The following MAGI2 variants were observed in gnomAD, a reference collection of about 807,000 sequenced individuals.
The protein encoded by MAGI2 is membrane associated guanylate kinase, WW and PDZ domain containing 2.
In MAGI2, 35 loss-of-function variants were observed where a neutral mutation model predicts 133.3. The ratio of observed to expected loss-of-function variants is 0.26; its 90% CI spans 0.20 to 0.35. The LOEUF is 0.35. Ranked by LOEUF, MAGI2 falls within the 10% of genes least tolerant of loss-of-function variation. The pLI, the probability that MAGI2 is intolerant of heterozygous loss-of-function variation, is 1.00. For missense variants in MAGI2, 1,636 were observed against 1,863.4 expected (o/e 0.88, Z 2.25); for synonymous variants, 729 against 710.6 (o/e 1.03, Z -0.41).
chr7:79,283,264 C>T (rs551975106), intron 1 of MAGI2, among the ~76,000 whole-genome samples: 7 of 151,974 alleles, frequency 4.6e-5, no homozygotes, highest in Non-Finnish European at 1.0e-4. Context: ...TCACAGAGGA[C>T]ATATAAATGC....
chr7:78,645,632 A>G (rs1309916334), intron 2 of MAGI2, among the ~76,000 whole-genome samples: 1 of 121,904 alleles, frequency 8.2e-6, no homozygotes, highest in Non-Finnish European at 1.8e-5. Context: ...TTTTGCAGAT[A>G]TAAGTGTGGT....
intron 1 of MAGI2, among the ~76,000 whole-genome samples, chr7:79,073,509 C>T (rs1193216007): frequency 1.3e-5 from 2 of 152,046 alleles, no homozygotes; most frequent in African/African-American, 4.8e-5. Flanking sequence ...AATTCTATTT[C>T]CTAAACATCT....
At chr7:79,232,753 T>G (rs1831490591) in intron 1 of MAGI2, among the ~76,000 whole-genome samples, 1 of 122,780 alleles carries the variant, frequency 8.1e-6, no homozygotes, top group South Asian at 3.1e-4. Flanking sequence ...AGCTCCTGGA[T>G]TCATTAATTT....
At chr7:78,713,265 T>G (rs1208003901) in intron 2 of MAGI2, among the ~76,000 whole-genome samples, 1 of 152,162 alleles carries the variant, frequency 6.6e-6, no homozygotes. Flanking sequence ...AAGTGCTAAT[T>G]AAATAATTCA....
chr7:79,314,141 T>C (rs546955968), intron 1 of MAGI2, among the ~76,000 whole-genome samples: 1 of 152,290 alleles, frequency 6.6e-6, no homozygotes, highest in South Asian at 2.1e-4. Flanking sequence ...GCCCAGCTAA[T>C]TTTTATATTT....
chr7:79,218,389 C>T (rs193075992), intron 1 of MAGI2, among the ~76,000 whole-genome samples: 179 of 152,098 alleles, frequency 1.2e-3, no homozygotes, highest in Non-Finnish European at 1.5e-3. Flanking sequence ...AGACAGACGC[C>T]GTCAGGTGGG....
At chr7:78,567,098 C>T (rs1385356435) in intron 3 of MAGI2, among the ~76,000 whole-genome samples, 1 of 152,044 alleles carries the variant, frequency 6.6e-6, no homozygotes, top group Non-Finnish European at 1.5e-5. Context: ...AAACTTTGTC[C>T]CCGTTATTGT....
chr7:78,135,271 C>T, intron 16 of MAGI2, 65 bp from the exon 17 acceptor site: 2 of 1,336,090 alleles, frequency 1.5e-6, no homozygotes, highest in Non-Finnish European at 2.1e-6. Flanking sequence ...TCAGTCCCAG[C>T]CCCAAAGGAA....
At chr7:78,232,995 T>C (rs1270538562) in intron 10 of MAGI2, among the ~76,000 whole-genome samples, 2 of 152,124 alleles carry the variant, frequency 1.3e-5, no homozygotes, top group African/African-American at 4.8e-5. Flanking sequence ...ATTTATGGAA[T>C]GAAGAATGAG....
rs903096532 is a variant in MAGI2, at chr7:78,814,788, T to A, written c.419-187549A>T. On this transcript the variant is annotated intron_variant, in intron 2 of 21. Coordinates refer to ENST00000354212, the MANE Select transcript of MAGI2 (RefSeq NM_012301.4). ...CCCAGGATGAAGTGCAGTGCTGCAA[T>A]CATGGCTCACTGCAGCCTCAACCTC... is the stretch of plus-strand genomic sequence containing the variant. Among the ~76,000 whole-genome samples, 9 of 152,314 alleles carry A rather than the reference T, an allele frequency of 5.9e-5. No homozygotes were observed. The East Asian group carries it at 1.5e-3, about 26-fold the overall frequency.
intron 2 of MAGI2, among the ~76,000 whole-genome samples, chr7:78,952,966 T>C (rs1424109101): frequency 1.3e-5 from 2 of 152,192 alleles, no homozygotes; most frequent in Non-Finnish European, 2.9e-5. Flanking sequence ...TGTTTGGACC[T>C]ACTAAAGTGA....
At chr7:78,694,748 C>G (rs1207796871) in intron 2 of MAGI2, among the ~76,000 whole-genome samples, 1 of 152,202 alleles carries the variant, frequency 6.6e-6, no homozygotes, top group African/African-American at 2.4e-5. Flanking sequence ...TTATAAAGGC[C>G]AATACCGCTT....
At chr7:78,952,033 A>G (rs959702380) in intron 2 of MAGI2, among the ~76,000 whole-genome samples, 1 of 152,074 alleles carries the variant, frequency 6.6e-6, no homozygotes, top group East Asian at 1.9e-4. Context: ...TTCCTTCCTC[A>G]CTGAATAAAA....
intron 10 of MAGI2, among the ~76,000 whole-genome samples, chr7:78,236,417 C>T (rs1299122820): frequency 6.6e-6 from 1 of 152,104 alleles, no homozygotes; most frequent in Non-Finnish European, 1.5e-5. Flanking sequence ...TGTGACTGTT[C>T]TTCTCTCCCT....
chr7:78,158,625 G>A (rs1050406739), intron 16 of MAGI2, among the ~76,000 whole-genome samples: 41 of 152,096 alleles, frequency 2.7e-4, no homozygotes, highest in East Asian at 1.9e-4. Context: ...TCTTTAAGTC[G>A]TCCTTGTTCA....
At chr7:78,669,828 T>C (rs1268706257) in intron 2 of MAGI2, among the ~76,000 whole-genome samples, 1 of 152,146 alleles carries the variant, frequency 6.6e-6, no homozygotes, top group Non-Finnish European at 1.5e-5. Context: ...AACCACATGA[T>C]TATCTCAATA....
chr7:78,410,608 T>C (rs1797781725), intron 6 of MAGI2, among the ~76,000 whole-genome samples: 1 of 152,012 alleles, frequency 6.6e-6, no homozygotes, highest in Non-Finnish European at 1.5e-5. Context: ...GCTCAGTACA[T>C]AGTTGATGAA....
intron 10 of MAGI2, among the ~76,000 whole-genome samples, chr7:78,209,199 G>A (rs1180003600): frequency 3.5e-5 from 1 of 28,214 alleles, no homozygotes; most frequent in East Asian, 1.2e-3. Context: ...TCCACCCTGG[G>A]CGACAGAGCA....
intron 1 of MAGI2, among the ~76,000 whole-genome samples, chr7:79,307,939 C>T (rs1187894590): frequency 1.3e-5 from 2 of 152,098 alleles, no homozygotes; most frequent in East Asian, 3.9e-4. Flanking sequence ...TCAGTCTTTC[C>T]TCTTTAACCA....
Sources: allele counts gnomAD v4.1 joint callset (sites outside exome capture counted in the v4.1 genomes callset), GRCh38; gene constraint gnomAD v4.1.1; transcripts MANE v1.5; gene names NCBI Gene and HGNC (gene_info 2026-07-23, HGNC 2026-07-21).